MEGF9: variants seen among roughly 807,000 people sequenced by gnomAD.
MEGF9 encodes multiple EGF like domains 9, also known as multiple epidermal growth factor-like domains protein 9.
Under a neutral mutation model 46.8 loss-of-function variants are expected in MEGF9, and 6 were observed. The ratio of observed to expected loss-of-function variants is 0.13; its 90% confidence interval spans 0.07 to 0.25. MEGF9 has a LOEUF of 0.25. Ranked by LOEUF, MEGF9 falls within the 10% of genes least tolerant of loss-of-function variation. The pLI, the probability that MEGF9 is intolerant of heterozygous loss-of-function variation, is 1.00. For synonymous variants in MEGF9, 302 were observed against 330.7 expected (o/e 0.91, Z 0.94); for missense variants, 683 against 792.4 (o/e 0.86, Z 1.66).
At chr9:120,709,531 G>C (rs1167557717) in intron 1 of MEGF9, among the ~76,000 whole-genome samples, 1 of 152,166 alleles carries the variant, frequency 6.6e-6, no homozygotes, top group Non-Finnish European at 1.5e-5. Context: ...GGCCAAGACA[G>C]AGAGGGATCA....
At chr9:120,703,751 T>C (rs2043915494) in intron 1 of MEGF9, among the ~76,000 whole-genome samples, 1 of 151,896 alleles carries the variant, frequency 6.6e-6, no homozygotes, top group Admixed American at 6.6e-5. Flanking sequence ...GACGGGTGGA[T>C]CACCTAAGGT....
chr9:120,663,340 G>T (rs2043710989), intron 1 of MEGF9, among the ~76,000 whole-genome samples: 1 of 152,166 alleles, frequency 6.6e-6, no homozygotes, highest in Non-Finnish European at 1.5e-5. Context: ...AACACTCTGG[G>T]TATTCACTAA....
intron 4 of MEGF9, among the ~76,000 whole-genome samples, chr9:120,611,891 A>G (rs150075498): frequency 0.028 from 4,143 of 147,374 alleles, 207 homozygotes; most frequent in African/African-American, 0.098. Flanking sequence ...GAGAGAAAGA[A>G]AGAAAGAAAG....
At chr9:120,629,262 G>A (rs1022838715) in intron 2 of MEGF9, among the ~76,000 whole-genome samples, 2 of 152,112 alleles carry the variant, frequency 1.3e-5, no homozygotes, top group African/African-American at 4.8e-5. Context: ...TTACAGGTGT[G>A]AGTCACTGTG....
intron 2 of MEGF9, 126 bp downstream of exon 2, chr9:120,659,248 A>C (rs2043690784): frequency 8.3e-6 from 5 of 600,672 alleles, no homozygotes; most frequent in Non-Finnish European, 1.1e-5. Flanking sequence ...AAAGTATATA[A>C]AATATTTTGT....
Position 120,604,982 on chromosome 9 carries a change from T to C in MEGF9, c.*208A>G. On this transcript the variant is annotated 3_prime_UTR_variant, in exon 6 of 6. Coordinates refer to ENST00000373930, the MANE Select transcript of MEGF9 (RefSeq NM_001080497.3). ...GTACAAAAATATACTTTACTTCAAG[T>C]CCTAATGACAGTGAACGCTTCAGAT... 1.7e-6 allele frequency: 1 copy of C among 588,546 alleles called. No individual in the cohort carries two copies. Among genetic ancestry groups the C allele is most frequent in the Non-Finnish European group, 3.0e-6 (1 of 336,762 alleles). 36.5% of individuals were successfully genotyped at this position (588,546 alleles called of 1,614,324 possible).
At chr9:120,681,070 A>G (rs2043796873) in intron 1 of MEGF9, among the ~76,000 whole-genome samples, 1 of 152,064 alleles carries the variant, frequency 6.6e-6, no homozygotes, top group Admixed American at 6.5e-5. Flanking sequence ...AGTCCCCTTT[A>G]CCTTTCCCTC....
intron 1 of MEGF9, among the ~76,000 whole-genome samples, chr9:120,711,840 TACATACACACACACACAC>T (rs1215153177): frequency 2.2e-5 from 3 of 139,236 alleles, no homozygotes; most frequent in East Asian, 2.0e-4. Flanking sequence ...TATACATACA[TACATACACACACACACAC>T]ACACACACAC....
chr9:120,694,576 T>C lies in MEGF9; in HGVS notation c.601+19182A>G, dbSNP rs115198469. Among the ~76,000 whole-genome samples the C allele has an allele frequency of 2.8e-3, 419 of 152,356 alleles. 2 individuals are homozygous for C. The highest frequency in any genetic ancestry group is 9.6e-3 in the African/African-American group (401 of 41,586). ...AGTGAGATTCTACTGCCCTAGGTTA[T>C]TCTACTTTTTTAAACATAAGTACAA... is the stretch of plus-strand genomic sequence containing the variant. On this transcript the variant is annotated intron_variant, in intron 1 of 5. Transcript: ENST00000373930.
At chr9:120,713,622 T>G (rs964703459) in intron 1 of MEGF9, 136 bp downstream of exon 1, 2 of 1,182,514 alleles carry the variant, frequency 1.7e-6, no homozygotes, top group Non-Finnish European at 2.1e-6. Flanking sequence ...TAGCTGGACC[T>G]GGGATCCCCC....
intron 1 of MEGF9, among the ~76,000 whole-genome samples, chr9:120,678,232 T>C (rs1337987656): frequency 2.6e-5 from 4 of 152,246 alleles, no homozygotes; most frequent in Non-Finnish European, 5.9e-5. Flanking sequence ...TTGGCTATTA[T>C]GAACAGTTGC....
intron 1 of MEGF9, among the ~76,000 whole-genome samples, chr9:120,691,252 A>G (rs1023010939): frequency 6.6e-5 from 10 of 152,194 alleles, no homozygotes; most frequent in African/African-American, 2.4e-4. Flanking sequence ...CTCTAGCAAC[A>G]TAAATGGATA....
At chr9:120,682,223 C>A (rs2043801737) in intron 1 of MEGF9, among the ~76,000 whole-genome samples, 2 of 152,100 alleles carry the variant, frequency 1.3e-5, no homozygotes, top group African/African-American at 4.8e-5. Context: ...TTCATTAATG[C>A]CTGATTAAGG....
At chr9:120,671,663 T>C (rs986514901) in intron 1 of MEGF9, among the ~76,000 whole-genome samples, 2 of 152,226 alleles carry the variant, frequency 1.3e-5, no homozygotes. Flanking sequence ...ATGGCGTCAC[T>C]GGAGAATTCT....
intron 1 of MEGF9, among the ~76,000 whole-genome samples, chr9:120,711,871 A>ACC (rs1554800506): frequency 0.047 from 6,991 of 150,080 alleles, 233 homozygotes; most frequent in Non-Finnish European, 0.069. Flanking sequence ...ACACACACAC[A>ACC]CCCACAGGCC....
At chr9:120,638,121 G>A (rs1267123191) in intron 2 of MEGF9, among the ~76,000 whole-genome samples, 1 of 152,012 alleles carries the variant, frequency 6.6e-6, no homozygotes, top group Non-Finnish European at 1.5e-5. Flanking sequence ...GCCCCTCTGA[G>A]TTGCTAGGAC....
chr9:120,692,306 T>C (rs1424247056), intron 1 of MEGF9, among the ~76,000 whole-genome samples: 1 of 152,212 alleles, frequency 6.6e-6, no homozygotes, highest in African/African-American at 2.4e-5. Flanking sequence ...TCTAAGTCTA[T>C]GTGTTATACC....
chr9:120,627,554 C>T (rs1245227126), intron 2 of MEGF9, among the ~76,000 whole-genome samples: 1 of 152,164 alleles, frequency 6.6e-6, no homozygotes, highest in African/African-American at 2.4e-5. Context: ...CCTCCGCCTC[C>T]TGGGTTCAAG....
rs116977762 is a variant in MEGF9, at chr9:120,641,141, C to T, written c.803+18233G>A. ...CATCAGGATTAATTCCATGTCTTTGCTATTGTGAATAGCATGCACTTAATC... is the reference window on the plus strand; with the variant it reads ...CATCAGGATTAATTCCATGTCTTTGTTATTGTGAATAGCATGCACTTAATC... On this transcript the variant is annotated intron_variant, in intron 2 of 5. Transcript: ENST00000373930. Among the ~76,000 whole-genome samples, 166 of 152,220 alleles carry T rather than the reference C, an allele frequency of 1.1e-3. 2 individuals are homozygous for T. The South Asian group carries it at 0.012, about 11-fold the overall frequency.
Sources: gnomAD v4.1 joint callset for allele counts (sites outside exome capture counted in the v4.1 genomes callset) on GRCh38, gnomAD v4.1.1 for gene constraint, MANE v1.5 for transcripts, NCBI Gene and HGNC (gene_info 2026-07-23, HGNC 2026-07-21) for gene names.